The following GDAP2 variants were observed in gnomAD, a reference collection of about 807,000 sequenced individuals.
GDAP2 encodes ganglioside-induced differentiation-associated protein 2.
GDAP2 carries 51 observed loss-of-function variants against 67.0 expected under a neutral mutation model. That is an observed-to-expected ratio of 0.76 (90% CI 0.61 to 0.96). GDAP2 has a LOEUF of 0.96. Ranked by LOEUF, GDAP2 falls within the 40% of genes least tolerant of loss-of-function variation. The pLI is 0.00. For missense variants in GDAP2, 547 were observed against 588.3 expected (o/e 0.93, Z 0.73); for synonymous variants, 203 against 207.3 (o/e 0.98, Z 0.18).
Position 117,870,481 on chromosome 1 carries a change from T to A in GDAP2, c.*88A>T. The A allele has an allele frequency of 1.2e-6, 1 of 865,802 alleles. No homozygotes were observed. Among genetic ancestry groups the A allele is most frequent in the South Asian group, 1.3e-5 (1 of 75,442 alleles). 53.6% of individuals were successfully genotyped at this position (865,802 alleles called of 1,614,324 possible). A position where few individuals can be genotyped will look rare whatever the true frequency, so the allele number is the denominator to read the frequency against. On this transcript the variant is annotated 3_prime_UTR_variant, in exon 14 of 14. Transcript: ENST00000369443. ...GGGGACAAAAGGCTCTCTGGATCTG[T>A]ACAGCAACAATGAATATCACTTCAA...
At chr1:117,899,487 T>A (rs1649375259) in intron 6 of GDAP2, among the ~76,000 whole-genome samples, 1 of 152,144 alleles carries the variant, frequency 6.6e-6, no homozygotes, top group Non-Finnish European at 1.5e-5. Context: ...GCCACTCCTG[T>A]CCCCATCCGT....
chr1:117,915,999 C>T (rs960492555), intron 3 of GDAP2, among the ~76,000 whole-genome samples: 8 of 152,134 alleles, frequency 5.3e-5, no homozygotes, highest in Non-Finnish European at 1.2e-4. Context: ...AATGTGGTTT[C>T]CACCATGTTA....
At chr1:117,906,390 T>C (rs756273068) in intron 6 of GDAP2, 116 bp downstream of exon 6, 12 of 651,982 alleles carry the variant, frequency 1.8e-5, no homozygotes, top group African/African-American at 5.4e-5. Context: ...GTCAAATACA[T>C]ACATAGATCA....
intron 1 of GDAP2, among the ~76,000 whole-genome samples, chr1:117,927,541 T>A (rs1650495712): frequency 6.6e-6 from 1 of 152,304 alleles, no homozygotes; most frequent in East Asian, 1.9e-4. Context: ...TTACCGGGTT[T>A]ACCATTCTTT....
intron 13 of GDAP2, among the ~76,000 whole-genome samples, chr1:117,874,077 C>T (rs1359117820): frequency 2.6e-5 from 4 of 152,202 alleles, no homozygotes; most frequent in African/African-American, 9.7e-5. Flanking sequence ...ACCTGCAGCA[C>T]TAATATGTAA....
At chr1:117,913,292 T>G (rs1160465780) in intron 3 of GDAP2, 1 of 152,196 alleles carries the variant, frequency 6.6e-6, no homozygotes, top group Non-Finnish European at 1.5e-5. Context: ...GTAAAGGCTA[T>G]GCTGTCAAGT....
chr1:117,916,876 A>G (rs1027524836), intron 3 of GDAP2, among the ~76,000 whole-genome samples: 5 of 152,078 alleles, frequency 3.3e-5, no homozygotes, highest in Non-Finnish European at 5.9e-5. Context: ...TTCACTAAAA[A>G]TACAAAAATC....
intron 1 of GDAP2, among the ~76,000 whole-genome samples, chr1:117,922,643 C>T (rs1286407546): frequency 6.6e-6 from 1 of 152,136 alleles, no homozygotes; most frequent in Non-Finnish European, 1.5e-5. Context: ...GCCACAAAAC[C>T]AGCAAGTTTT....
rs114293689 is a variant in GDAP2 at position 117,903,169 on chromosome 1, T to C, written c.636+3337A>G. 6.6e-3 allele frequency among the ~76,000 whole-genome samples: 1,009 copies of C among 152,294 alleles called. 10 individuals carry two copies. Among genetic ancestry groups the C allele is most frequent in the African/African-American group, 0.022 (934 of 41,566 alleles). The stretch of plus-strand genomic sequence containing the variant: ...AGTTCTAACAGTGTTTGTTTGGTTT[T>C]TTTTTGGCATGGACTCTTTAGGATT... On this transcript the variant is annotated intron_variant, in intron 6 of 13. Coordinates refer to ENST00000369443, the MANE Select transcript of GDAP2 (RefSeq NM_017686.4).
chr1:117,888,702 AG>A (rs1325257057), intron 8 of GDAP2, among the ~76,000 whole-genome samples: 1 of 152,166 alleles, frequency 6.6e-6, no homozygotes, highest in African/African-American at 2.4e-5. Context: ...GGCAATATCC[AG>A]TAACAACAAC....
intron 13 of GDAP2, among the ~76,000 whole-genome samples, chr1:117,875,895 T>C (rs1026840396): frequency 6.6e-6 from 1 of 152,144 alleles, no homozygotes; most frequent in African/African-American, 2.4e-5. Flanking sequence ...AATAATTTGA[T>C]TTTGAGTTTA....
At chr1:117,886,102 T>A (rs923691058) in intron 10 of GDAP2, among the ~76,000 whole-genome samples, 8 of 152,206 alleles carry the variant, frequency 5.3e-5, no homozygotes, top group Admixed American at 5.2e-4. Flanking sequence ...TTTTCTTATT[T>A]TTATCTACCA....
rs757845359 is a variant in GDAP2, at chr1:117,864,005, C to T, written c.*6564G>A. The T allele has an allele frequency of 2.0e-5, 3 of 152,174 alleles. No individual in the cohort carries two copies. Among genetic ancestry groups the T allele is most frequent in the Non-Finnish European group, 4.4e-5 (3 of 68,036 alleles). The allele number at this position is 152,174 out of a possible 1,614,324, so 9.4% of individuals were successfully genotyped here. On this transcript the variant is annotated 3_prime_UTR_variant, in exon 14 of 14. Transcript: ENST00000369443. ...AAAAGTTGAGAAACAGGCCCAAGGT[C>T]TGAGTGTGTCAGAAGCCAAAGCGCC...
At position 117,909,774 on chromosome 1, in the gene GDAP2, A is replaced by G. The variant is rs549710923; in HGVS notation, c.559+2220T>C. On this transcript the variant is annotated intron_variant, in intron 5 of 13. Transcript: ENST00000369443. ...CCATTATTGATCTTTATCTGCTGTTACTCTCAAAGTTGACCTCTTTCATAG... is the reference window on the plus strand; with the variant it reads ...CCATTATTGATCTTTATCTGCTGTTGCTCTCAAAGTTGACCTCTTTCATAG... Among the ~76,000 whole-genome samples the G allele has an allele frequency of 2.0e-4, 30 of 152,170 alleles. 1 individual carries two copies. In the East Asian group the frequency reaches 4.6e-3, roughly 24 times the overall value.
At chr1:117,924,596 G>C (rs1650378405) in intron 1 of GDAP2, among the ~76,000 whole-genome samples, 1 of 152,170 alleles carries the variant, frequency 6.6e-6, no homozygotes, top group Non-Finnish European at 1.5e-5. Context: ...ACAAAACATG[G>C]ATCTAGTGAA....
At chr1:117,889,126 C>G (rs1403429711) in intron 8 of GDAP2, among the ~76,000 whole-genome samples, 1 of 152,028 alleles carries the variant, frequency 6.6e-6, no homozygotes, top group Non-Finnish European at 1.5e-5. Context: ...GTAGTTCTCC[C>G]TAAATCATAT....
intron 12 of GDAP2, among the ~76,000 whole-genome samples, chr1:117,880,273 G>A (rs1286905805): frequency 6.6e-6 from 1 of 152,152 alleles, no homozygotes; most frequent in East Asian, 1.9e-4. Context: ...GGCAAGGTAA[G>A]TTTCAAAGAA....
chr1:117,914,708 A>C, intron 3 of GDAP2, among the ~76,000 whole-genome samples: 1 of 152,198 alleles, frequency 6.6e-6, no homozygotes, highest in South Asian at 2.1e-4. Flanking sequence ...ACAATCAGGG[A>C]TAAGAATAGC....
chr1:117,924,137 T>C (rs1650358615), intron 1 of GDAP2, among the ~76,000 whole-genome samples: 1 of 152,186 alleles, frequency 6.6e-6, no homozygotes, highest in African/African-American at 2.4e-5. Flanking sequence ...TCTTTCTCTT[T>C]TTTAACTTTT....
Sources: allele counts gnomAD v4.1 joint callset (sites outside exome capture counted in the v4.1 genomes callset), GRCh38; gene constraint gnomAD v4.1.1; transcripts MANE v1.5; gene names NCBI Gene and HGNC (gene_info 2026-07-23, HGNC 2026-07-21).